Variants in RANBP2 observed in about 807,000 individuals in gnomAD.
The protein encoded by RANBP2 is E3 SUMO-protein ligase RanBP2.
A neutral mutation model predicts 303.6 loss-of-function variants in RANBP2; 57 were observed. The observed-to-expected ratio is 0.19, with a 90% CI of 0.15 to 0.23. RANBP2 has a LOEUF of 0.23. Among genes scored for constraint, RANBP2 ranks in the 10% least tolerant of loss-of-function variants. RANBP2 has a pLI of 1.00. For synonymous variants in RANBP2, 1,167 were observed against 1,301.5 expected (o/e 0.90, Z 2.23); for missense variants, 3,138 against 3,780.8 (o/e 0.83, Z 4.46).
At chr2:109,596,166 G>A in the RANBP2 span, among the ~76,000 whole-genome samples, 1 of 152,026 alleles carries the variant, frequency 6.6e-6, no homozygotes, top group South Asian at 2.1e-4. Flanking sequence ...GAAACAGCTG[G>A]GCCTACAGGC....
the RANBP2 span, among the ~76,000 whole-genome samples, chr2:109,068,008 A>T: frequency 6.6e-6 from 1 of 152,116 alleles, no homozygotes; most frequent in Non-Finnish European, 1.5e-5. Context: ...TGGAATGCAC[A>T]TCCCCACACA....
At chr2:109,221,812 C>T in the RANBP2 span, among the ~76,000 whole-genome samples, 2 of 151,884 alleles carry the variant, frequency 1.3e-5, no homozygotes, top group African/African-American at 4.8e-5. Flanking sequence ...TCTCAGAAAA[C>T]GAAAACTAGA....
the RANBP2 span, among the ~76,000 whole-genome samples, chr2:108,877,704 G>C: frequency 1.2e-4 from 18 of 152,020 alleles, no homozygotes; most frequent in Non-Finnish European, 2.6e-4. Context: ...CAAGTGGAGC[G>C]GAAGCAATAT....
chr2:109,096,422 C>T, the RANBP2 span, among the ~76,000 whole-genome samples: 1 of 152,116 alleles, frequency 6.6e-6, no homozygotes, highest in African/African-American at 2.4e-5. Flanking sequence ...TAACAAATTT[C>T]CTTGTCAATT....
chr2:109,558,309 G>A, the RANBP2 span, among the ~76,000 whole-genome samples: 1 of 152,048 alleles, frequency 6.6e-6, no homozygotes, highest in Non-Finnish European at 1.5e-5. Context: ...GAACTATTTA[G>A]TTCTTGAGAA....
the RANBP2 span, among the ~76,000 whole-genome samples, chr2:109,621,286 G>A: frequency 1.3e-5 from 2 of 152,092 alleles, no homozygotes; most frequent in African/African-American, 4.8e-5. Context: ...CCGAGTAGCT[G>A]GGACTACAGT....
At chr2:109,638,063 G>A in the RANBP2 span, among the ~76,000 whole-genome samples, 4 of 152,220 alleles carry the variant, frequency 2.6e-5, no homozygotes, top group African/African-American at 9.6e-5. Flanking sequence ...GCGAGGAAAT[G>A]CATGCTAACT....
At chr2:109,527,903 CA>C in the RANBP2 span, among the ~76,000 whole-genome samples, 1 of 152,134 alleles carries the variant, frequency 6.6e-6, no homozygotes, top group African/African-American at 2.4e-5. Flanking sequence ...ACTGAGGAGC[CA>C]GGGAGGGCAG....
At chr2:109,483,096 C>A in the RANBP2 span, among the ~76,000 whole-genome samples, 7 of 152,278 alleles carry the variant, frequency 4.6e-5, no homozygotes, top group African/African-American at 1.7e-4. Flanking sequence ...TTGTTATAAA[C>A]CCTCCTGTGC....
the RANBP2 span, among the ~76,000 whole-genome samples, chr2:109,163,438 G>A: frequency 3.7e-5 from 4 of 109,048 alleles, no homozygotes; most frequent in South Asian, 6.6e-4. Context: ...TCGCTCTGTC[G>A]CCCAGGCTGG....
chr2:109,394,344 C>A, the RANBP2 span, among the ~76,000 whole-genome samples: 5 of 152,114 alleles, frequency 3.3e-5, no homozygotes, highest in African/African-American at 1.2e-4. Context: ...CCTGGCCCAA[C>A]CTTTACTGTC....
At chr2:109,431,596 C>T in the RANBP2 span, among the ~76,000 whole-genome samples, 1 of 152,164 alleles carries the variant, frequency 6.6e-6, no homozygotes, top group Non-Finnish European at 1.5e-5. Context: ...GCAAATAAGA[C>T]TTAAAATTAA....
At chr2:109,642,321 A>G in the RANBP2 span, among the ~76,000 whole-genome samples, 2 of 152,232 alleles carry the variant, frequency 1.3e-5, no homozygotes, top group Non-Finnish European at 2.9e-5. Context: ...CTGATTATTG[A>G]CACTTAACAA....
the RANBP2 span, chr2:109,613,446 A>G: frequency 6.6e-6 from 2 of 301,642 alleles, no homozygotes; most frequent in Non-Finnish European, 1.3e-5. Flanking sequence ...CCGCTATTCA[A>G]TCAGTCCGCA....
chr2:109,086,904 G>T, the RANBP2 span, among the ~76,000 whole-genome samples: 1 of 152,164 alleles, frequency 6.6e-6, no homozygotes, highest in Non-Finnish European at 1.5e-5. Context: ...CTTGCCCTTG[G>T]CCCTACAAAT....
At chr2:109,038,838 A>G in the RANBP2 span, among the ~76,000 whole-genome samples, 2 of 152,290 alleles carry the variant, frequency 1.3e-5, no homozygotes, top group African/African-American at 4.8e-5. Context: ...AGTAGTTTAC[A>G]TGATTTGTCT....
the RANBP2 span, among the ~76,000 whole-genome samples, chr2:109,268,453 G>C: frequency 9.9e-5 from 15 of 152,222 alleles, no homozygotes; most frequent in Admixed American, 3.9e-4. Context: ...AGGGGCCCAG[G>C]AGTGTGGCTG....
the RANBP2 span, chr2:109,449,282 G>A: frequency 1.2e-6 from 2 of 1,610,276 alleles, no homozygotes; most frequent in South Asian, 1.1e-5. Context: ...CCCACTCGGT[G>A]GTGTCCCCGC....
chr2:109,284,875 C>G, the RANBP2 span, among the ~76,000 whole-genome samples: 1 of 152,182 alleles, frequency 6.6e-6, no homozygotes, highest in Non-Finnish European at 1.5e-5. Flanking sequence ...TGCTCTTGAA[C>G]GTGCTGACTT....
Sources: allele counts gnomAD v4.1 joint callset (sites outside exome capture counted in the v4.1 genomes callset), GRCh38; gene constraint gnomAD v4.1.1; transcripts MANE v1.5; gene names NCBI Gene and HGNC (gene_info 2026-07-23, HGNC 2026-07-21).